CHIC2: variants seen among roughly 807,000 people sequenced by gnomAD.
CHIC2 encodes the protein cysteine-rich hydrophobic domain-containing protein 2.
CHIC2 carries 14 observed loss-of-function variants against 25.9 expected under a neutral mutation model. That is an observed-to-expected ratio of 0.54 (90% CI 0.36 to 0.85). The LOEUF is 0.85. Among genes scored for constraint, CHIC2 ranks in the 40% least tolerant of loss-of-function variants. CHIC2 has a pLI of 0.01. For missense variants in CHIC2, 146 were observed against 202.0 expected (o/e 0.72, Z 1.68); for synonymous variants, 70 against 72.0 (o/e 0.97, Z 0.14).
At chr4:54,015,310 C>T (rs955490814) in intron 3 of CHIC2, among the ~76,000 whole-genome samples, 1 of 152,010 alleles carries the variant, frequency 6.6e-6, no homozygotes, top group Non-Finnish European at 1.5e-5. Flanking sequence ...TAATTTATTA[C>T]ATTACTTTTT....
intron 1 of CHIC2, among the ~76,000 whole-genome samples, chr4:54,057,454 C>T (rs1258485850): frequency 1.3e-5 from 2 of 152,164 alleles, no homozygotes; most frequent in Admixed American, 1.3e-4. Context: ...TTGGCACCTG[C>T]TGTTCTCCAG....
intron 1 of CHIC2, among the ~76,000 whole-genome samples, chr4:54,053,383 C>G (rs1196565350): frequency 6.6e-6 from 1 of 151,904 alleles, no homozygotes; most frequent in African/African-American, 2.4e-5. Flanking sequence ...ATGGTGAAAC[C>G]CCATCACTAC....
the CHIC2 span, among the ~76,000 whole-genome samples, chr4:54,069,751 A>G: frequency 6.6e-6 from 1 of 152,190 alleles, no homozygotes; most frequent in Admixed American, 6.5e-5. Context: ...CCAAATATGT[A>G]TTTCCTGATA....
chr4:54,050,724 A>G (rs1716983467), intron 1 of CHIC2, among the ~76,000 whole-genome samples: 1 of 152,068 alleles, frequency 6.6e-6, no homozygotes, highest in Non-Finnish European at 1.5e-5. Flanking sequence ...TTTGTAGCCT[A>G]AGGGCTATGG....
chr4:54,044,578 A>C, intron 3 of CHIC2, among the ~76,000 whole-genome samples: 1 of 152,090 alleles, frequency 6.6e-6, no homozygotes, highest in Non-Finnish European at 1.5e-5. Context: ...AGGCAGAAAT[A>C]AAGATGTCCT....
intron 3 of CHIC2, among the ~76,000 whole-genome samples, chr4:54,041,369 C>CG (rs1716573712): frequency 6.6e-6 from 1 of 151,932 alleles, no homozygotes; most frequent in Non-Finnish European, 1.5e-5. Context: ...GCCTCTCGAT[C>CG]GAGGGTTCTT....
chr4:54,055,790 A>C (rs1437689050), intron 1 of CHIC2, among the ~76,000 whole-genome samples: 1 of 152,174 alleles, frequency 6.6e-6, no homozygotes, highest in African/African-American at 2.4e-5. Context: ...GATGCATATA[A>C]ATCATGCTTT....
intron 3 of CHIC2, among the ~76,000 whole-genome samples, chr4:54,044,616 C>A (rs1716718086): frequency 6.6e-6 from 1 of 152,028 alleles, no homozygotes; most frequent in South Asian, 2.1e-4. Flanking sequence ...AAAGACACAA[C>A]ATACCAGAAT....
At chr4:54,015,821 C>G (rs1456323026) in intron 3 of CHIC2, among the ~76,000 whole-genome samples, 2 of 152,194 alleles carry the variant, frequency 1.3e-5, no homozygotes, top group Non-Finnish European at 2.9e-5. Flanking sequence ...TCATTTGCAT[C>G]ACAGCGAACC....
rs755530678 is a variant in CHIC2, at chr4:54,064,224, G to A, written c.77C>T (p.Ser26Leu). 3 of 1,608,132 alleles carry A rather than the reference G, an allele frequency of 1.9e-6. No individual in the cohort carries two copies. The highest frequency in any genetic ancestry group is 2.7e-5 in the African/African-American group (2 of 74,784). The change falls in exon 1 of 6, where the codon TCG becomes TTG. Residue 26 changes from serine to leucine, a missense_variant. By Grantham distance (145) the Ser-to-Leu change is moderately radical. Transcript: ENST00000263921. This position sits in a 1 kb window ranked among gnomAD's most constrained non-coding sequence, Gnocchi z 4.2. ...GCCGCGGACGACCACCGGGTCCGGC[G>A]AGTACTTGAGCAGCTGCTCCTCCAG... ...RALEEQLLKY[S>L]PDPVVVRGSG...
At chr4:54,084,981 A>AAAAAAAAAAAAAAAC in the CHIC2 span, among the ~76,000 whole-genome samples, 1 of 145,286 alleles carries the variant, frequency 6.9e-6, no homozygotes, top group African/African-American at 2.5e-5. Context: ...AAAAAAAAAA[A>AAAAAAAAAAAAAAAC]TCAAACAGGT....
chr4:54,060,106 A>G (rs79651441), intron 1 of CHIC2: 1 of 152,242 alleles, frequency 6.6e-6, no homozygotes, highest in Non-Finnish European at 1.5e-5. Flanking sequence ...GTCCTGAAAT[A>G]CTGACACATT....
chr4:54,077,246 T>G, the CHIC2 span, among the ~76,000 whole-genome samples: 1 of 152,254 alleles, frequency 6.6e-6, no homozygotes, highest in Admixed American at 6.5e-5. Context: ...TCAGTTCTTT[T>G]TTTCTAGAGA....
intron 3 of CHIC2, among the ~76,000 whole-genome samples, chr4:54,043,287 G>C (rs192806686): frequency 6.6e-6 from 1 of 152,016 alleles, no homozygotes; most frequent in Non-Finnish European, 1.5e-5. Context: ...CAGGTGTGGT[G>C]GTGGGCACCT....
At chr4:54,026,099 C>T (rs1716050212) in intron 3 of CHIC2, among the ~76,000 whole-genome samples, 1 of 152,130 alleles carries the variant, frequency 6.6e-6, no homozygotes, top group Non-Finnish European at 1.5e-5. Flanking sequence ...CTAAAGCTTA[C>T]AGAGGTGAAG....
chr4:54,026,063 G>C lies in CHIC2; in HGVS notation c.331-11944C>G, dbSNP rs1034519792. ...CACAACAAGCCTATATGGCGGCTTG[G>C]ACTACTTTCTTTTTACATATGAAAA... On this transcript the variant is annotated intron_variant, in intron 3 of 5. Coordinates refer to ENST00000263921, the MANE Select transcript of CHIC2 (RefSeq NM_012110.4). Among the ~76,000 whole-genome samples the C allele has an allele frequency of 4.6e-5, 7 of 152,044 alleles. No individual in the cohort carries two copies. In the East Asian group the frequency reaches 1.4e-3, roughly 29 times the overall value.
the CHIC2 span, among the ~76,000 whole-genome samples, chr4:54,084,327 A>C: frequency 6.6e-6 from 1 of 152,192 alleles, no homozygotes; most frequent in Non-Finnish European, 1.5e-5. Flanking sequence ...CCTTATATTT[A>C]AAAGTAGCCA....
chr4:54,065,041 A>C (rs1717479745), upstream of CHIC2, among the ~76,000 whole-genome samples: 1 of 152,216 alleles, frequency 6.6e-6, no homozygotes, highest in Admixed American at 6.5e-5. Context: ...TTATCTAATA[A>C]TCGCATCTCG....
At chr4:54,024,927 C>A (rs544247737) in intron 3 of CHIC2, among the ~76,000 whole-genome samples, 62 of 152,222 alleles carry the variant, frequency 4.1e-4, no homozygotes, top group South Asian at 1.2e-3. Flanking sequence ...TCACCCCTTA[C>A]CACAAAATCT....
Sources: gnomAD v4.1 joint callset for allele counts (sites outside exome capture counted in the v4.1 genomes callset) on GRCh38, gnomAD v4.1.1 for gene constraint, Gnocchi (gnomAD v3.1) non-coding constraint, MANE v1.5 for transcripts, NCBI Gene and HGNC (gene_info 2026-07-23, HGNC 2026-07-21) for gene names.